Variants in SLC8A2 observed in about 807,000 individuals in gnomAD.
SLC8A2 encodes solute carrier family 8 member A2, also known as sodium/calcium exchanger 2.
In SLC8A2, 14 loss-of-function variants were observed where a neutral mutation model predicts 70.2. The ratio of observed to expected loss-of-function variants is 0.20; its 90% confidence interval spans 0.13 to 0.31. SLC8A2 has a LOEUF of 0.31. SLC8A2 is among the 10% of genes least tolerant of loss of function. The pLI, the probability that SLC8A2 is intolerant of heterozygous loss-of-function variation, is 1.00. For synonymous variants in SLC8A2, 575 were observed against 594.3 expected, an observed-to-expected ratio of 0.97 and a Z score of 0.47; for missense variants, 779 against 1,320.1, an observed-to-expected ratio of 0.59 and a Z score of 6.35.
chr19:47,447,637 C>T lies in SLC8A2; in HGVS notation c.1763+172G>A, dbSNP rs1967182269. ...CCGCCCACGTCGTGGGCATGGGTCA[C>T]AGGCCCCGCCCACGTTGCGGGCACG... On this transcript the variant is annotated intron_variant, in intron 4 of 9. Transcript: ENST00000236877. This position sits in a 1 kb window ranked among gnomAD's most constrained non-coding sequence, Gnocchi z 5.1. The T allele has an allele frequency of 4.5e-6, 2 of 444,112 alleles. No individual in the cohort carries two copies. The highest frequency in any genetic ancestry group is 4.9e-5 in the South Asian group (2 of 40,754). 27.5% of individuals were successfully genotyped at this position (444,112 alleles called of 1,614,324 possible). A position where few individuals can be genotyped will look rare whatever the true frequency, so the allele number is the denominator to read the frequency against.
Position 47,428,415 on chromosome 19 carries a change from G to T in SLC8A2, c.*1674C>A, listed in dbSNP as rs1179247799. Reference sequence around the variant, plus strand: ...TGGAAGCCCATGACTGATGGATGGGGGTGTGGCTAGTGGAAGAGCTAGGCT... The same window carrying T: ...TGGAAGCCCATGACTGATGGATGGGTGTGTGGCTAGTGGAAGAGCTAGGCT... On this transcript the variant is annotated 3_prime_UTR_variant, in exon 10 of 10. Transcript: ENST00000236877. The T allele has an allele frequency of 6.7e-6, 1 of 150,324 alleles. No individual in the cohort carries two copies. Among genetic ancestry groups the T allele is most frequent in the Non-Finnish European group, 1.5e-5 (1 of 67,620 alleles). The allele number at this position is 150,324 out of a possible 1,614,324, so 9.3% of individuals were successfully genotyped here.
At chr19:47,442,184 C>T (rs1405792346) in intron 4 of SLC8A2, among the ~76,000 whole-genome samples, 2 of 152,116 alleles carry the variant, frequency 1.3e-5, no homozygotes, top group Non-Finnish European at 2.9e-5. Flanking sequence ...CTGTCAGAAT[C>T]CAGACTGTTA....
chr19:47,432,181 C>G lies in SLC8A2; in HGVS notation c.2375G>C (p.Gly792Ala). 6.2e-7 allele frequency: 1 copy of G among 1,610,616 alleles called. No homozygotes were observed. Among genetic ancestry groups the G allele is most frequent in the Non-Finnish European group, 8.5e-7 (1 of 1,177,776 alleles). Residue 792 changes from glycine to alanine, a missense_variant, in exon 9 of 10, where the codon GGC becomes GCC. Transcript: ENST00000236877. The surrounding 1 kb of genome is among the most constrained non-coding windows in gnomAD (Gnocchi z 6.2). The part of the protein sequence containing the change: ...SVNAVVFVAL[G>A]TSIPDTFASK... Reference sequence around the variant, plus strand: ...CAGGGTGTTACCAGGGATGGAGGTGCCCAGGGCAACGAAGACAACAGCATT... The same window carrying G: ...CAGGGTGTTACCAGGGATGGAGGTGGCCAGGGCAACGAAGACAACAGCATT...
intron 2 of SLC8A2, among the ~76,000 whole-genome samples, chr19:47,462,613 A>G (rs1599859251): frequency 1.6e-5 from 2 of 121,348 alleles, no homozygotes; most frequent in Admixed American, 9.5e-5. Context: ...TCTGAGATGG[A>G]GTCTCACTCT....
At chr19:47,455,821 T>C (rs566721409) in intron 3 of SLC8A2, among the ~76,000 whole-genome samples, 19 of 152,226 alleles carry the variant, frequency 1.2e-4, no homozygotes, top group African/African-American at 4.6e-4. Context: ...GGAGGAACTG[T>C]TGAATGAGAG....
rs75437897 is a variant in SLC8A2 at position 47,459,579 on chromosome 19, C to A, written c.676-1985G>T. ...ATGTGCATGTGTATATGTGTATGTG[C>A]GTGTGTGTGTCCTGTGTGTGCGTGC... On this transcript the variant is annotated intron_variant, in intron 2 of 9. Coordinates refer to ENST00000236877, the MANE Select transcript of SLC8A2 (RefSeq NM_015063.3). Among the ~76,000 whole-genome samples, 16 of 151,080 alleles carry A rather than the reference C, an allele frequency of 1.1e-4. No individual in the cohort carries two copies. In the South Asian group the frequency reaches 3.4e-3, roughly 32 times the overall value.
chr19:47,435,215 CA>C (rs1011286374), intron 8 of SLC8A2, among the ~76,000 whole-genome samples: 12 of 145,400 alleles, frequency 8.3e-5, no homozygotes, highest in South Asian at 2.2e-4. Flanking sequence ...CTACATATCT[CA>C]AAAAAAAAAG....
chr19:47,449,674 G>A (rs141672111), intron 3 of SLC8A2, among the ~76,000 whole-genome samples: 206 of 152,282 alleles, frequency 1.4e-3, no homozygotes, highest in African/African-American at 4.9e-3. Context: ...GCTCTGACCT[G>A]GGACTGGACA....
chr19:47,463,226 G>A (rs1269110008), intron 2 of SLC8A2, among the ~76,000 whole-genome samples: 5 of 151,394 alleles, frequency 3.3e-5, no homozygotes, highest in Admixed American at 1.3e-4. Context: ...TCCGCCTCCC[G>A]GGTTCACGCT....
At chr19:47,441,018 C>A (rs1042741447) in intron 6 of SLC8A2, 151 bp downstream of exon 6, 44 of 676,462 alleles carry the variant, frequency 6.5e-5, no homozygotes, top group Non-Finnish European at 1.0e-4. Context: ...CAGGCCAGAC[C>A]CCACTGTCCC....
chr19:47,449,001 G>A (rs905880125), intron 3 of SLC8A2, among the ~76,000 whole-genome samples: 8 of 152,194 alleles, frequency 5.3e-5, no homozygotes, highest in Admixed American at 2.6e-4. Flanking sequence ...CATGACAATT[G>A]CACATTTAAT....
chr19:47,451,695 G>C (rs985679909), intron 3 of SLC8A2, among the ~76,000 whole-genome samples: 1 of 152,216 alleles, frequency 6.6e-6, no homozygotes, highest in Non-Finnish European at 1.5e-5. Flanking sequence ...AGTAATGGAC[G>C]AGTGGACATC....
In SLC8A2 at chr19:47,447,953, G is replaced by T. The variant is rs1346934491; in HGVS notation, c.1619C>A (p.Thr540Asn). Residue 540 changes from threonine (T) to asparagine (N), a missense_variant, in exon 4 of 10, where the codon ACC becomes AAC. Around this residue, in one of 6 missense-constraint regions of SLC8A2, gnomAD observed 247 missense variants for 362.8 expected, o/e 0.68. Transcript: ENST00000236877. This position sits in a 1 kb window ranked among gnomAD's most constrained non-coding sequence, Gnocchi z 5.1. ...RLLHVSECMG[T>N]VDVRVVRSSG... is the part of the protein sequence containing the mutation. The stretch of plus-strand genomic sequence containing the variant: ...GCTGCGCACGACGCGCACGTCCACG[G>T]TGCCCATGCACTCGCTCACGTGCAG... 1 of 1,562,142 alleles carries T rather than the reference G, an allele frequency of 6.4e-7. No individual in the cohort carries two copies. Among genetic ancestry groups the T allele is most frequent in the East Asian group, 2.4e-5 (1 of 41,584 alleles).
intron 8 of SLC8A2, among the ~76,000 whole-genome samples, chr19:47,436,957 C>G (rs1224922653): frequency 1.3e-5 from 2 of 152,116 alleles, no homozygotes; most frequent in East Asian, 3.9e-4. Context: ...TGTTCCCACC[C>G]TCCTGATGCC....
At chr19:47,456,507 A>T (rs1967304696) in intron 3 of SLC8A2, among the ~76,000 whole-genome samples, 2 of 152,194 alleles carry the variant, frequency 1.3e-5, no homozygotes, top group African/African-American at 4.8e-5. Flanking sequence ...CTCTACTAAA[A>T]GTACAAAAAT....
Position 47,429,740 on chromosome 19 carries a change from C to T in SLC8A2, c.*349G>A, listed in dbSNP as rs768677932. 1 of 283,328 alleles carries T rather than the reference C, an allele frequency of 3.5e-6. No homozygotes were observed. Among genetic ancestry groups the T allele is most frequent in the Non-Finnish European group, 6.7e-6 (1 of 150,330 alleles). 17.6% of individuals were successfully genotyped at this position (283,328 alleles called of 1,614,324 possible). A position where few individuals can be genotyped will look rare whatever the true frequency, so the allele number is the denominator to read the frequency against. ...TGGGGGCAAAGCCAGGCTGGGTGAC[C>T]AAGGAGAGAGACCTTAAACTCCCCA... On this transcript the variant is annotated 3_prime_UTR_variant, in exon 10 of 10. Transcript: ENST00000236877.
chr19:47,470,077 G>T (rs962635200), intron 1 of SLC8A2, among the ~76,000 whole-genome samples: 3 of 152,184 alleles, frequency 2.0e-5, no homozygotes, highest in African/African-American at 7.2e-5. Flanking sequence ...GCTGGCCCTT[G>T]CAGGACCGAG....
chr19:47,436,253 C>T lies in SLC8A2; in HGVS notation c.2110+1209G>A, dbSNP rs535271659. The stretch of plus-strand genomic sequence containing the variant: ...CTGACTTTCAGGCTGGGTTAGGAAC[C>T]GCATCAGGGCTTTCCTCCGGGTCTC... On this transcript the variant is annotated intron_variant, in intron 8 of 9. Coordinates refer to ENST00000236877, the MANE Select transcript of SLC8A2 (RefSeq NM_015063.3). Among the ~76,000 whole-genome samples the T allele has an allele frequency of 6.6e-5, 10 of 152,270 alleles. No individual in the cohort carries two copies. The East Asian group carries it at 1.4e-3, about 21-fold the overall frequency.
In SLC8A2 at chr19:47,465,687, G is replaced by C; in HGVS notation, c.675+42C>G. The C allele has an allele frequency of 6.6e-7, 1 of 1,507,634 alleles. No homozygotes were observed. The highest frequency in any genetic ancestry group is 9.0e-7 in the Non-Finnish European group (1 of 1,111,454). The allele number at this position is 1,507,634 out of a possible 1,614,324, so 93.4% of individuals were successfully genotyped here. A position where few individuals can be genotyped will look rare whatever the true frequency, so the allele number is the denominator to read the frequency against. Reference sequence around the variant, plus strand: ...CAAGAGCACCTCTCTGGATTTTGCAGACACACATGCACCAAGAAAGCATCT... The same window carrying C: ...CAAGAGCACCTCTCTGGATTTTGCACACACACATGCACCAAGAAAGCATCT... On this transcript the variant is annotated intron_variant, in intron 2 of 9. Coordinates refer to ENST00000236877, the MANE Select transcript of SLC8A2 (RefSeq NM_015063.3). The surrounding 1 kb of genome is among the most constrained non-coding windows in gnomAD (Gnocchi z 5.5).
Sources: gnomAD v4.1 joint callset for allele counts (sites outside exome capture counted in the v4.1 genomes callset) on GRCh38, gnomAD v4.1.1 for gene constraint, gnomAD v4.1.1 regional missense constraint, Gnocchi (gnomAD v3.1) non-coding constraint, MANE v1.5 for transcripts, NCBI Gene and HGNC (gene_info 2026-07-23, HGNC 2026-07-21) for gene names.